Variants in NEDD9 observed in about 807,000 individuals in gnomAD.
The protein encoded by NEDD9 is enhancer of filamentation 1.
Under a neutral mutation model 76.6 loss-of-function variants are expected in NEDD9, and 26 were observed. The observed-to-expected ratio is 0.34, with a 90% CI of 0.25 to 0.47. NEDD9 has a LOEUF of 0.47. Ranked by LOEUF, NEDD9 falls within the 20% of genes least tolerant of loss-of-function variation. The pLI, the probability that NEDD9 is intolerant of heterozygous loss-of-function variation, is 1.00. For synonymous variants in NEDD9, 392 were observed against 414.2 expected, an observed-to-expected ratio of 0.95 and a Z score of 0.65; for missense variants, 937 against 1,058.5, an observed-to-expected ratio of 0.89 and a Z score of 1.59.
intron 1 of NEDD9, among the ~76,000 whole-genome samples, chr6:11,231,973 C>A (rs1354342347): frequency 6.6e-6 from 1 of 152,176 alleles, no homozygotes; most frequent in East Asian, 1.9e-4. Context: ...AATTTTCCAT[C>A]CTCAGCTGTG....
intron 1 of NEDD9, among the ~76,000 whole-genome samples, chr6:11,356,727 A>ACCCC (rs61435147): frequency 6.2e-5 from 7 of 112,504 alleles, no homozygotes; most frequent in South Asian, 3.4e-4. Flanking sequence ...ATCATAACCC[A>ACCCC]CCCCCCCCAC....
chr6:11,286,905 C>T lies in NEDD9; in HGVS notation c.12+19087G>A, dbSNP rs73721524. Among the ~76,000 whole-genome samples the T allele has an allele frequency of 9.1e-3, 1,388 of 151,976 alleles. 18 individuals carry two copies. Among genetic ancestry groups the T allele is most frequent in the East Asian group, 0.055 (285 of 5,180 alleles). On this transcript the variant is annotated intron_variant, in intron 3 of 3. Transcript: ENST00000397378. ...GATGTGTTTGTTATCTTGGTTTTGGCGATGGTTCCACCAGTGCATATATAT... is the reference window on the plus strand; with the variant it reads ...GATGTGTTTGTTATCTTGGTTTTGGTGATGGTTCCACCAGTGCATATATAT...
At chr6:11,361,002 G>A (rs924806975) in intron 1 of NEDD9, among the ~76,000 whole-genome samples, 9 of 152,170 alleles carry the variant, frequency 5.9e-5, no homozygotes, top group Non-Finnish European at 7.4e-5. Context: ...GACTGTGAGC[G>A]TACATGTGTG....
chr6:11,359,139 C>T (rs994283291), intron 1 of NEDD9, among the ~76,000 whole-genome samples: 13 of 152,164 alleles, frequency 8.5e-5, no homozygotes, highest in African/African-American at 2.7e-4. Flanking sequence ...GCTGGCAAGT[C>T]CCCCAGAAAG....
intron 1 of NEDD9, among the ~76,000 whole-genome samples, chr6:11,377,145 G>A (rs1353655711): frequency 6.6e-6 from 1 of 152,218 alleles, no homozygotes; most frequent in East Asian, 1.9e-4. Context: ...AGAGGCAGAG[G>A]CCCCACAGAA....
At chr6:11,311,611 A>G (rs1027709385) in intron 2 of NEDD9, among the ~76,000 whole-genome samples, 2 of 152,224 alleles carry the variant, frequency 1.3e-5, no homozygotes, top group African/African-American at 4.8e-5. Flanking sequence ...ATACAGGAGC[A>G]CTTACCTCAT....
intron 2 of NEDD9, among the ~76,000 whole-genome samples, chr6:11,209,733 G>A (rs960766389): frequency 4.6e-5 from 7 of 152,200 alleles, no homozygotes; most frequent in Admixed American, 4.6e-4. Context: ...AGGATATACA[G>A]CTATGGAGAA....
intron 1 of NEDD9, among the ~76,000 whole-genome samples, chr6:11,375,463 G>T (rs562415745): frequency 6.6e-6 from 1 of 152,158 alleles, no homozygotes; most frequent in Non-Finnish European, 1.5e-5. Flanking sequence ...TTCCTTTTGT[G>T]GTAGGTGATA....
chr6:11,235,872 T>C (rs910620823), upstream of NEDD9, among the ~76,000 whole-genome samples: 11 of 152,096 alleles, frequency 7.2e-5, no homozygotes, highest in Non-Finnish European at 1.2e-4. This position sits in a 1 kb window ranked among gnomAD's most constrained non-coding sequence, Gnocchi z 4.1. Flanking sequence ...GTAGGGAGCT[T>C]GGATTTTTTT....
intron 3 of NEDD9, chr6:11,259,205 G>T (rs1054392315): frequency 6.6e-6 from 1 of 152,132 alleles, no homozygotes; most frequent in African/African-American, 2.4e-5. Flanking sequence ...GTGTTGTTTT[G>T]GCAAGTGAAG....
intron 3 of NEDD9, among the ~76,000 whole-genome samples, chr6:11,193,310 T>TAA (rs796698181): frequency 2.2e-5 from 3 of 136,616 alleles, no homozygotes; most frequent in African/African-American, 2.7e-5. Flanking sequence ...GATTCTGTCT[T>TAA]AAAAAAAAAA....
At position 11,213,588 on chromosome 6, in the gene NEDD9, C is replaced by T. The variant is rs1459947888; in HGVS notation, c.152G>A (p.Arg51Gln). The change falls in exon 2 of 7, where the codon CGG (arginine) becomes CAG (glutamine). Residue 51 changes from arginine to glutamine, a missense_variant. Coordinates refer to ENST00000379446, the MANE Select transcript of NEDD9 (RefSeq NM_006403.4). This position sits in a 1 kb window ranked among gnomAD's most constrained non-coding sequence, Gnocchi z 5.4. ...CCGGTTGCCTGGGACAATGCCTTGC[C>T]GACCGTGTAATGAGCACAGCCACCA... The part of the protein sequence containing the change: ...EGWWLCSLHG[R>Q]QGIVPGNRVK... 9 of 1,613,998 alleles carry T rather than the reference C, an allele frequency of 5.6e-6. No homozygotes were observed. Among genetic ancestry groups the T allele is most frequent in the South Asian group, 2.2e-5 (2 of 91,066 alleles).
At chr6:11,326,146 CAAAA>C (rs113503681) in intron 2 of NEDD9, among the ~76,000 whole-genome samples, 3 of 89,880 alleles carry the variant, frequency 3.3e-5, no homozygotes, top group Non-Finnish European at 2.4e-5. Flanking sequence ...AACCTCATCT[CAAAA>C]AAAAAAAAAA....
chr6:11,309,981 A>G (rs1243987637), intron 2 of NEDD9, among the ~76,000 whole-genome samples: 2 of 152,218 alleles, frequency 1.3e-5, no homozygotes, highest in Admixed American at 1.3e-4. Flanking sequence ...CAGAGAAATG[A>G]GCTGACTGAT....
chr6:11,210,766 G>GGAGGGAGAGAGA (rs1554125282), intron 2 of NEDD9, among the ~76,000 whole-genome samples: 5 of 121,852 alleles, frequency 4.1e-5, no homozygotes, highest in Admixed American at 9.1e-5. Context: ...AGGGATGGGG[G>GGAGGGAGAGAGA]GAGAGAGAGA....
rs186827210 is a variant in NEDD9, at chr6:11,355,752, G to A, written c.-213-21191C>T. 5.6e-3 allele frequency among the ~76,000 whole-genome samples: 843 copies of A among 151,464 alleles called. 7 individuals are homozygous for A. Among genetic ancestry groups the A allele is most frequent in the African/African-American group, 0.019 (797 of 41,264 alleles). On this transcript the variant is annotated intron_variant, in intron 1 of 3. Coordinates refer to the NEDD9 transcript ENST00000397378. Reference sequence around the variant, plus strand: ...AATTATTTTTTTGAGACAGAGTCTCGCTCTGTCGCCCAGGCTGGAGGGCAG... The same window carrying A: ...AATTATTTTTTTGAGACAGAGTCTCACTCTGTCGCCCAGGCTGGAGGGCAG...
chr6:11,284,690 A>G (rs1386340308), intron 3 of NEDD9, among the ~76,000 whole-genome samples: 2 of 151,554 alleles, frequency 1.3e-5, no homozygotes, highest in Admixed American at 6.6e-5. Flanking sequence ...TTGCTACATA[A>G]GCCAATAATA....
At chr6:11,200,838 C>G (rs1242789953) in intron 2 of NEDD9, 3 of 1,526,774 alleles carry the variant, frequency 2.0e-6, no homozygotes, top group Non-Finnish European at 2.6e-6. Flanking sequence ...CAGCTCAAGA[C>G]ACGCCAATGG....
chr6:11,327,625 T>C (rs1761956327), intron 2 of NEDD9, among the ~76,000 whole-genome samples: 1 of 152,214 alleles, frequency 6.6e-6, no homozygotes, highest in South Asian at 2.1e-4. Context: ...CAGTGCCTCA[T>C]GCTATAAAAC....
Sources: gnomAD v4.1 joint callset for allele counts (sites outside exome capture counted in the v4.1 genomes callset) on GRCh38, gnomAD v4.1.1 for gene constraint, Gnocchi (gnomAD v3.1) non-coding constraint, MANE v1.5 for transcripts, NCBI Gene and HGNC (gene_info 2026-07-23, HGNC 2026-07-21) for gene names.